The following NELL1 variants were observed in gnomAD, a reference collection of about 807,000 sequenced individuals.
NELL1 encodes the protein neural EGFL like 1, also known as protein kinase C-binding protein NELL1.
In NELL1, 76 loss-of-function variants were observed where a neutral mutation model predicts 107.4. That is an observed-to-expected ratio of 0.71 (90% CI 0.59 to 0.86). The LOEUF (loss-of-function observed/expected upper bound fraction) is 0.86. Ranked by LOEUF, NELL1 falls within the 40% of genes least tolerant of loss-of-function variation. The pLI is 0.00. For synonymous variants in NELL1, 353 were observed against 341.2 expected (o/e 1.03, Z -0.38); for missense variants, 1,024 against 1,005.5 (o/e 1.02, Z -0.25).
intron 2 of NELL1, among the ~76,000 whole-genome samples, chr11:20,748,035 G>T (rs1438360215): frequency 6.6e-6 from 1 of 152,150 alleles, no homozygotes. Flanking sequence ...TAGCTAAAGA[G>T]GGGTGAGCTT....
At chr11:21,527,958 A>G (rs1308664616) in intron 15 of NELL1, among the ~76,000 whole-genome samples, 1 of 152,116 alleles carries the variant, frequency 6.6e-6, no homozygotes, top group Non-Finnish European at 1.5e-5. Context: ...ATTGACTCAA[A>G]TGTTAATCTC....
chr11:21,167,081 G>T (rs756047278), intron 13 of NELL1, among the ~76,000 whole-genome samples: 1 of 151,834 alleles, frequency 6.6e-6, no homozygotes, highest in Non-Finnish European at 1.5e-5. Flanking sequence ...GAAAAGTCCA[G>T]ACATAATATA....
chr11:20,897,106 T>A (rs1423937568), intron 5 of NELL1, among the ~76,000 whole-genome samples: 1 of 152,226 alleles, frequency 6.6e-6, no homozygotes, highest in African/African-American at 2.4e-5. Flanking sequence ...CATTGCCAAG[T>A]CAATCCTAAG....
At chr11:21,520,510 G>A (rs1855693426) in intron 15 of NELL1, among the ~76,000 whole-genome samples, 2 of 152,140 alleles carry the variant, frequency 1.3e-5, no homozygotes. Flanking sequence ...TGGCCTATAG[G>A]GGTGGTAATA....
chr11:21,538,637 AT>A (rs769851651), intron 16 of NELL1, among the ~76,000 whole-genome samples: 107 of 152,258 alleles, frequency 7.0e-4, no homozygotes, highest in Admixed American at 1.6e-3. Flanking sequence ...GTAGGGTACA[AT>A]GCACTCTGTG....
At chr11:21,494,857 C>T (rs569512752) in intron 15 of NELL1, among the ~76,000 whole-genome samples, 3 of 151,958 alleles carry the variant, frequency 2.0e-5, no homozygotes, top group Admixed American at 2.0e-4. Context: ...TTCCTATTGA[C>T]TTTTCTCCCA....
chr11:21,569,679 A>C (rs1046810235), intron 17 of NELL1, among the ~76,000 whole-genome samples: 1 of 151,826 alleles, frequency 6.6e-6, no homozygotes, highest in African/African-American at 2.4e-5. Flanking sequence ...GTTATTACTG[A>C]AGGTATGGAT....
intron 15 of NELL1, among the ~76,000 whole-genome samples, chr11:21,482,009 C>T (rs1854506569): frequency 6.6e-6 from 1 of 152,076 alleles, no homozygotes. Context: ...TATAATTCCC[C>T]TCCCTGTTCT....
chr11:20,838,334 C>T (rs755200089), intron 3 of NELL1, among the ~76,000 whole-genome samples: 1 of 148,292 alleles, frequency 6.7e-6, no homozygotes, highest in Non-Finnish European at 1.5e-5. Flanking sequence ...ACAAATGTAT[C>T]GTAGCATCCT....
At chr11:20,699,599 C>A (rs1338705827) in intron 2 of NELL1, among the ~76,000 whole-genome samples, 1 of 152,160 alleles carries the variant, frequency 6.6e-6, no homozygotes. Context: ...ACCTCATGAT[C>A]TGCCCACCTT....
At chr11:21,463,303 C>A (rs539689858) in intron 15 of NELL1, among the ~76,000 whole-genome samples, 1 of 152,112 alleles carries the variant, frequency 6.6e-6, no homozygotes, top group South Asian at 2.1e-4. Flanking sequence ...AGTTGGCCAT[C>A]TGATGGTTTC....
intron 2 of NELL1, among the ~76,000 whole-genome samples, chr11:20,715,302 TG>T (rs1182173872): frequency 5.5e-4 from 5 of 9,034 alleles, no homozygotes; most frequent in Admixed American, 2.8e-3. Context: ...GCTGGGTTTT[TG>T]TTTTTTTTTT....
At chr11:21,397,607 A>C (rs1378519429) in intron 15 of NELL1, among the ~76,000 whole-genome samples, 1 of 151,726 alleles carries the variant, frequency 6.6e-6, no homozygotes, top group Non-Finnish European at 1.5e-5. Flanking sequence ...TAAATATTTT[A>C]TAATTACACA....
In NELL1 at chr11:20,804,064, C is replaced by CATAT. The variant is rs55678470; in HGVS notation, c.335+20245_335+20248dup. On this transcript the variant is annotated intron_variant, in intron 3 of 19. Transcript: ENST00000357134. ...ATTGTGTGAGTTAATATTTAATAAACATATATATATATATTCCATTAGTTC... is the reference window on the plus strand; with the variant it reads ...ATTGTGTGAGTTAATATTTAATAAACATATATATATATATATATTCCATTAGTTC... Among the ~76,000 whole-genome samples the CATAT allele has an allele frequency of 7.5e-3, 1,128 of 149,430 alleles. 7 individuals carry two copies. Among genetic ancestry groups the CATAT allele is most frequent in the Middle Eastern group, 0.01 (3 of 290 alleles).
intron 15 of NELL1, among the ~76,000 whole-genome samples, chr11:21,488,489 G>A (rs114617031): frequency 0.018 from 2,733 of 152,080 alleles, 96 homozygotes; most frequent in African/African-American, 0.062. Context: ...AATTTCCTCA[G>A]GGGCTTAGGG....
intron 12 of NELL1, among the ~76,000 whole-genome samples, chr11:20,990,309 G>T (rs116830178): frequency 2.0e-3 from 305 of 152,122 alleles, no homozygotes; most frequent in African/African-American, 6.8e-3. Context: ...TCTTAATAGC[G>T]TGCCTCTGTA....
chr11:20,968,853 G>A (rs1365983539), intron 12 of NELL1, among the ~76,000 whole-genome samples: 1 of 152,028 alleles, frequency 6.6e-6, no homozygotes, highest in African/African-American at 2.4e-5. Context: ...ACCAGTGGGA[G>A]GTTTTTATGG....
At chr11:20,749,252 C>T (rs759498349) in intron 2 of NELL1, among the ~76,000 whole-genome samples, 41 of 152,104 alleles carry the variant, frequency 2.7e-4, no homozygotes, top group Middle Eastern at 3.4e-3. Flanking sequence ...ATTACTAGCA[C>T]GTTTTGTAAA....
intron 2 of NELL1, among the ~76,000 whole-genome samples, chr11:20,737,744 T>C (rs1292427019): frequency 6.6e-6 from 1 of 151,812 alleles, no homozygotes; most frequent in Non-Finnish European, 1.5e-5. Flanking sequence ...TTGGTTACAG[T>C]CTCTACTATT....
Sources: gnomAD v4.1 joint callset for allele counts (sites outside exome capture counted in the v4.1 genomes callset) on GRCh38, gnomAD v4.1.1 for gene constraint, MANE v1.5 for transcripts, NCBI Gene and HGNC (gene_info 2026-07-23, HGNC 2026-07-21) for gene names.